Variants in TTC13 observed in about 807,000 individuals in gnomAD.
The protein encoded by TTC13 is tetratricopeptide repeat domain 13.
TTC13 carries 62 observed loss-of-function variants against 120.0 expected under a neutral mutation model. That is an observed-to-expected ratio of 0.52 (90% CI 0.42 to 0.64). The LOEUF (loss-of-function observed/expected upper bound fraction) is 0.64, where lower values mean the gene tolerates loss of function less well. Among genes scored for constraint, TTC13 ranks in the 30% least tolerant of loss-of-function variants. The pLI, the probability that TTC13 is intolerant of heterozygous loss-of-function variation, is 0.00. For synonymous variants in TTC13, 384 were observed against 393.5 expected, an observed-to-expected ratio of 0.98 and a Z score of 0.28; for missense variants, 824 against 1,050.2, an observed-to-expected ratio of 0.78 and a Z score of 2.98.
intron 1 of TTC13, among the ~76,000 whole-genome samples, chr1:230,966,978 G>A (rs565292711): frequency 5.9e-5 from 9 of 152,218 alleles, no homozygotes; most frequent in African/African-American, 9.6e-5. Context: ...CTATGGCACC[G>A]GGAGAGCAGT....
chr1:230,931,624 T>G, intron 10 of TTC13, 112 bp downstream of exon 10: 1 of 1,475,386 alleles, frequency 6.8e-7, no homozygotes, highest in Non-Finnish European at 9.2e-7. Context: ...TCTTTCTTTT[T>G]GTTGGAGTAG....
chr1:230,922,697 A>C (rs1672689255), intron 15 of TTC13, among the ~76,000 whole-genome samples: 1 of 152,154 alleles, frequency 6.6e-6, no homozygotes, highest in Non-Finnish European at 1.5e-5. Context: ...ATTTTTCCAA[A>C]TAGCCCTGTA....
chr1:230,923,819 A>G, intron 15 of TTC13, 22 bp downstream of exon 15: 1 of 1,592,480 alleles, frequency 6.3e-7, no homozygotes, highest in Non-Finnish European at 8.6e-7. Flanking sequence ...GAAAAGAAGA[A>G]AGATGCACAA....
chr1:230,916,707 TCAAAG>T (rs1672067796), intron 17 of TTC13, among the ~76,000 whole-genome samples: 1 of 152,204 alleles, frequency 6.6e-6, no homozygotes, highest in African/African-American at 2.4e-5. Flanking sequence ...ATACTAGTGC[TCAAAG>T]CAGAGACTGA....
intron 12 of TTC13, among the ~76,000 whole-genome samples, chr1:230,926,363 A>T (rs1673050196): frequency 6.6e-6 from 1 of 152,154 alleles, no homozygotes. Flanking sequence ...AAATTCTCCC[A>T]GCGATTAGTT....
chr1:230,920,365 G>T, intron 17 of TTC13, 145 bp downstream of exon 17: 2 of 536,398 alleles, frequency 3.7e-6, no homozygotes, highest in East Asian at 3.4e-5. Context: ...ATGCCTGTAG[G>T]TTCTTTTATT....
At chr1:230,955,960 A>G (rs2102943784) in intron 3 of TTC13, among the ~76,000 whole-genome samples, 1 of 152,254 alleles carries the variant, frequency 6.6e-6, no homozygotes, top group South Asian at 2.1e-4. Flanking sequence ...GGGGTGGTGG[A>G]GGCAGTAATA....
chr1:230,970,641 G>T (rs1677639595), intron 1 of TTC13, among the ~76,000 whole-genome samples: 1 of 152,180 alleles, frequency 6.6e-6, no homozygotes, highest in African/African-American at 2.4e-5. Flanking sequence ...CAAATAAGAT[G>T]ACAGTCGTCA....
chr1:230,962,296 TA>T (rs1342541193), intron 1 of TTC13, among the ~76,000 whole-genome samples: 1 of 151,992 alleles, frequency 6.6e-6, no homozygotes, highest in Non-Finnish European at 1.5e-5. Flanking sequence ...AACACAATTT[TA>T]AAAACAGGCA....
At chr1:230,976,333 G>A (rs1177696406) in intron 1 of TTC13, among the ~76,000 whole-genome samples, 1 of 152,162 alleles carries the variant, frequency 6.6e-6, no homozygotes, top group African/African-American at 2.4e-5. Context: ...TGTAAATCCC[G>A]AATTCATCCC....
intron 1 of TTC13, among the ~76,000 whole-genome samples, chr1:230,963,543 G>C (rs1676838531): frequency 6.6e-6 from 1 of 151,966 alleles, no homozygotes; most frequent in African/African-American, 2.4e-5. Flanking sequence ...GCTAAGGTGG[G>C]AAGATCACCT....
chr1:230,961,185 A>T (rs370197510), intron 2 of TTC13, 24 bp downstream of exon 2: 18 of 1,592,346 alleles, frequency 1.1e-5, no homozygotes, highest in Non-Finnish European at 1.5e-5. Context: ...TTACAAAAAC[A>T]GAACACAGAG....
chr1:230,916,279 A>C lies in TTC13; in HGVS notation c.2007T>G (p.Asp669Glu), dbSNP rs753186650. Reference protein sequence around the residue: ...IMKQFNTKTKDGFTVNTKVPS... With the variant: ...IMKQFNTKTKEGFTVNTKVPS... ...GAACTTTTGTGTTCACGGTGAACCC[A>C]TCCTTCGTTTTAGTATTAAACTGCT... The change falls in exon 18 of 23, where the codon GAT (aspartate) becomes GAG (glutamate). Residue 669 changes from aspartate (D) to glutamate (E), a missense_variant. Physicochemically the swap from Asp to Glu is conservative, Grantham distance 45 (BLOSUM62 2). Transcript: ENST00000366661. 2.5e-6 allele frequency: 4 copies of C among 1,614,124 alleles called. No individual in the cohort carries two copies. Among genetic ancestry groups the C allele is most frequent in the Admixed American group, 1.7e-5 (1 of 60,018 alleles).
At chr1:230,971,859 T>C (rs1034780663) in intron 1 of TTC13, among the ~76,000 whole-genome samples, 3 of 152,110 alleles carry the variant, frequency 2.0e-5, no homozygotes, top group Non-Finnish European at 4.4e-5. Context: ...TAGCATAAGG[T>C]TATAAACTAG....
At chr1:230,934,737 T>C (rs1346352266) in intron 8 of TTC13, among the ~76,000 whole-genome samples, 4 of 152,226 alleles carry the variant, frequency 2.6e-5, no homozygotes, top group African/African-American at 9.6e-5. Context: ...TTACTAAAGT[T>C]ACCTGCTATA....
chr1:230,929,233 A>G (rs1673318820), intron 11 of TTC13, 140 bp from the exon 12 acceptor site: 1 of 865,028 alleles, frequency 1.2e-6, no homozygotes, highest in Non-Finnish European at 1.7e-6. Flanking sequence ...TTAGTAAGTC[A>G]CTATTAGTAT....
intron 4 of TTC13, among the ~76,000 whole-genome samples, chr1:230,946,270 C>T (rs1399074298): frequency 6.6e-6 from 1 of 152,184 alleles, no homozygotes; most frequent in Non-Finnish European, 1.5e-5. Context: ...AAGTCTTGCA[C>T]TGCTAAGGGA....
intron 1 of TTC13, among the ~76,000 whole-genome samples, chr1:230,975,212 A>G (rs1396248292): frequency 9.2e-6 from 1 of 108,712 alleles, no homozygotes; most frequent in African/African-American, 4.1e-5. Flanking sequence ...GTCTCTACAG[A>G]AAAAAAAAAA....
Position 230,940,682 on chromosome 1 carries a change from C to A in TTC13, c.673-126G>T. The A allele has an allele frequency of 1.5e-6, 1 of 660,368 alleles. No individual in the cohort carries two copies. Among genetic ancestry groups the A allele is most frequent in the East Asian group, 2.7e-5 (1 of 36,444 alleles). 40.9% of individuals were successfully genotyped at this position (660,368 alleles called of 1,614,324 possible). Reference sequence around the variant, plus strand: ...AAATTACTCTCAGCAGGCTGCAATCCTTGACCCCCTATATTATGCGGTGGG... The same window carrying A: ...AAATTACTCTCAGCAGGCTGCAATCATTGACCCCCTATATTATGCGGTGGG... On this transcript the variant is annotated intron_variant, in intron 6 of 22. Transcript: ENST00000366661. The surrounding 1 kb of genome is among the most constrained non-coding windows in gnomAD (Gnocchi z 4.1).
Sources: allele counts gnomAD v4.1 joint callset (sites outside exome capture counted in the v4.1 genomes callset), GRCh38; gene constraint gnomAD v4.1.1; non-coding constraint Gnocchi (gnomAD v3.1); transcripts MANE v1.5; gene names NCBI Gene and HGNC (gene_info 2026-07-23, HGNC 2026-07-21).